MAST2: variants seen among roughly 807,000 people sequenced by gnomAD.
The protein encoded by MAST2 is microtubule associated serine/threonine kinase 2, also known as microtubule-associated serine/threonine-protein kinase 2.
In MAST2, 70 loss-of-function variants were observed where a neutral mutation model predicts 147.4. That is an observed-to-expected ratio of 0.47 (90% confidence interval 0.39 to 0.58). The LOEUF is 0.58. Among genes scored for constraint, MAST2 ranks in the 20% least tolerant of loss-of-function variants. MAST2 has a pLI of 0.00. For synonymous variants in MAST2, 869 were observed against 896.8 expected (o/e 0.97, Z 0.55); for missense variants, 2,080 against 2,302.3 (o/e 0.90, Z 1.98).
At chr1:45,829,720 A>G in intron 3 of MAST2, 139 bp downstream of exon 3, 2 of 952,732 alleles carry the variant, frequency 2.1e-6, no homozygotes, top group Non-Finnish European at 3.1e-6. Flanking sequence ...GAATGAATTT[A>G]TTATTATTTT....
intron 3 of MAST2, among the ~76,000 whole-genome samples, chr1:45,846,615 T>G (rs1483475072): frequency 6.6e-6 from 1 of 151,750 alleles, no homozygotes; most frequent in Non-Finnish European, 1.5e-5. Flanking sequence ...AGGTCAGAAG[T>G]TCAAGACCAG....
chr1:46,034,987 G>C lies in MAST2; in HGVS notation c.4318G>C (p.Glu1440Gln), dbSNP rs1364218656. 2 of 1,614,068 alleles carry C rather than the reference G, an allele frequency of 1.2e-6. No individual in the cohort carries two copies. Among genetic ancestry groups the C allele is most frequent in the Admixed American group, 1.7e-5 (1 of 60,032 alleles). ...CCTGCCCCACTCTGAACTAAAGAAG[G>C]AACTGCCGCCCAGGGAAGTGAGCCC... ...LDLPHSELKK[E>Q]LPPREVSPLE... The change falls in exon 29 of 29, where the codon GAA becomes CAA. Residue 1440 changes from glutamate to glutamine, a missense_variant. Coordinates refer to ENST00000361297, the MANE Select transcript of MAST2 (RefSeq NM_015112.3).
intron 3 of MAST2, among the ~76,000 whole-genome samples, chr1:45,846,293 T>C (rs1471978737): frequency 6.6e-6 from 1 of 152,208 alleles, no homozygotes; most frequent in Non-Finnish European, 1.5e-5. Flanking sequence ...ATTTTGCTGT[T>C]ATCACAGCTC....
chr1:45,849,589 C>T (rs549192913), intron 3 of MAST2, among the ~76,000 whole-genome samples: 104 of 151,306 alleles, frequency 6.9e-4, no homozygotes, highest in African/African-American at 2.3e-3. Context: ...TGCAGTGGCG[C>T]GATCTAGGCT....
chr1:45,870,983 T>TA, intron 3 of MAST2, among the ~76,000 whole-genome samples: 1 of 152,104 alleles, frequency 6.6e-6, no homozygotes, highest in Middle Eastern at 3.4e-3. Flanking sequence ...TTGTTGTTGT[T>TA]AGTTTTTCCA....
intron 10 of MAST2, among the ~76,000 whole-genome samples, chr1:46,012,646 TC>T (rs1427878175): frequency 1.3e-5 from 2 of 152,232 alleles, no homozygotes; most frequent in African/African-American, 4.8e-5. Context: ...TGTGGAAAGT[TC>T]AGGGAAGGCT....
chr1:45,816,675 A>AATTT (rs780216222), intron 1 of MAST2, among the ~76,000 whole-genome samples: 1 of 151,916 alleles, frequency 6.6e-6, no homozygotes, highest in South Asian at 2.1e-4. Flanking sequence ...CAGAAGAAAG[A>AATTT]ATTTATTTAT....
intron 1 of MAST2, among the ~76,000 whole-genome samples, chr1:45,811,182 T>A (rs1644282501): frequency 6.6e-6 from 1 of 150,404 alleles, no homozygotes; most frequent in Non-Finnish European, 1.5e-5. Flanking sequence ...TTTTTTTTTT[T>A]TGAGACGAAG....
intron 4 of MAST2, among the ~76,000 whole-genome samples, chr1:45,936,655 A>AC (rs1491335900): frequency 1.3e-5 from 2 of 152,006 alleles, no homozygotes; most frequent in Non-Finnish European, 2.9e-5. Flanking sequence ...GGTCTCCAAT[A>AC]CCCCATGAAA....
chr1:45,829,647 C>A, intron 3 of MAST2, 66 bp downstream of exon 3: 2 of 1,456,594 alleles, frequency 1.4e-6, no homozygotes, highest in Non-Finnish European at 1.9e-6. Flanking sequence ...GTCATTGCAA[C>A]ATCTATTCTT....
intron 4 of MAST2, among the ~76,000 whole-genome samples, chr1:45,931,080 A>G (rs1385736731): frequency 6.6e-6 from 1 of 152,196 alleles, no homozygotes; most frequent in African/African-American, 2.4e-5. Context: ...ATTACCATCT[A>G]ATCTACAAGT....
chr1:45,957,756 ATTG>A (rs1659852061), intron 4 of MAST2, among the ~76,000 whole-genome samples: 1 of 152,166 alleles, frequency 6.6e-6, no homozygotes, highest in Admixed American at 6.5e-5. Context: ...ATGTGCTAAG[ATTG>A]TCAGGCAGTA....
At chr1:45,982,288 C>G (rs1644442335) in intron 5 of MAST2, among the ~76,000 whole-genome samples, 1 of 152,156 alleles carries the variant, frequency 6.6e-6, no homozygotes, top group Non-Finnish European at 1.5e-5. Flanking sequence ...GGCACAGAGC[C>G]TCTGAAAACC....
chr1:45,948,172 A>T (rs1022053505), intron 4 of MAST2, among the ~76,000 whole-genome samples: 3 of 152,234 alleles, frequency 2.0e-5, no homozygotes, highest in African/African-American at 7.2e-5. Flanking sequence ...CAAAAAGAAT[A>T]AAATACCTAG....
At chr1:45,931,304 G>T (rs1655247733) in intron 4 of MAST2, among the ~76,000 whole-genome samples, 1 of 147,992 alleles carries the variant, frequency 6.8e-6, no homozygotes, top group Admixed American at 6.8e-5. Context: ...GAATTTGTCT[G>T]TTATTTCCTC....
rs370048669 is a variant in MAST2 at position 45,959,428 on chromosome 1, C to T, written c.543C>T (p.Ser181=). The T allele has an allele frequency of 4.3e-6, 7 of 1,613,722 alleles. No individual in the cohort carries two copies. In the African/African-American group the frequency reaches 9.3e-5, roughly 22 times the overall value. The change falls in exon 5 of 29, where the codon AGC becomes AGT. Residue 181 remains serine (S), a synonymous_variant. Transcript: ENST00000361297. The part of the protein sequence containing the change: ...SNRKSLIVTS[S]TSPTLPRPHS... ...GCAAGAGCTTGATTGTGACCTCTAG[C>T]ACATCACCTACACTACCACGGCCAC...
intron 4 of MAST2, among the ~76,000 whole-genome samples, chr1:45,914,869 G>T (rs1325076013): frequency 6.6e-6 from 1 of 152,104 alleles, no homozygotes; most frequent in Non-Finnish European, 1.5e-5. Context: ...TAAAGTAAAG[G>T]TCACTTGTTA....
chr1:45,900,446 ATTTTTTTTT>A (rs908880746), intron 4 of MAST2, among the ~76,000 whole-genome samples: 4 of 9,972 alleles, frequency 4.0e-4, no homozygotes, highest in Non-Finnish European at 5.7e-4. Flanking sequence ...GATGTTGGAT[ATTTTTTTTT>A]TTTTTTTTTT....
In MAST2 at chr1:45,803,981, C is replaced by T; in HGVS notation, c.86C>T (p.Ser29Phe). 2.7e-6 allele frequency: 3 copies of T among 1,111,974 alleles called. No individual in the cohort carries two copies. The highest frequency in any genetic ancestry group is 6.5e-5 in the East Asian group (2 of 30,894). The allele number at this position is 1,111,974 out of a possible 1,614,324, so 68.9% of individuals were successfully genotyped here. ...EDGVQRAAELSQSLPPRRRAP... is the reference protein window; with the variant it reads ...EDGVQRAAELFQSLPPRRRAP... ...GGAGTTCAGCGGGCAGCGGAGCTGT[C>T]TCAGTCTTTGCCGCCGCGCCGGCGA... Residue 29 changes from serine to phenylalanine, a missense_variant, in exon 1 of 29, where the codon TCT (serine) becomes TTT (phenylalanine). Ser to Phe is a radical substitution (Grantham distance 155). Coordinates refer to ENST00000361297, the MANE Select transcript of MAST2 (RefSeq NM_015112.3).
Sources: gnomAD v4.1 joint callset for allele counts (sites outside exome capture counted in the v4.1 genomes callset) on GRCh38, gnomAD v4.1.1 for gene constraint, MANE v1.5 for transcripts, NCBI Gene and HGNC (gene_info 2026-07-23, HGNC 2026-07-21) for gene names.